The following B3GALT1 variants were observed in gnomAD, a reference collection of about 807,000 sequenced individuals.
B3GALT1 encodes UDP-Gal:betaGlcNAc beta 1,3-galactosyltransferase, polypeptide 1.
In B3GALT1, 10 loss-of-function variants were observed where a neutral mutation model predicts 23.2. The ratio of observed to expected loss-of-function variants is 0.43; its 90% CI spans 0.27 to 0.73. The LOEUF (loss-of-function observed/expected upper bound fraction) is 0.73. Among genes scored for constraint, B3GALT1 ranks in the 30% least tolerant of loss-of-function variants. The pLI is 0.21. For missense variants in B3GALT1, 299 were observed against 405.4 expected, an observed-to-expected ratio of 0.74 and a Z score of 2.25; for synonymous variants, 156 against 141.5, an observed-to-expected ratio of 1.10 and a Z score of -0.73.
intron 3 of B3GALT1, among the ~76,000 whole-genome samples, chr2:167,752,600 C>G (rs868187146): frequency 6.7e-6 from 1 of 148,298 alleles, no homozygotes; most frequent in African/African-American, 2.5e-5. Flanking sequence ...CCCCACACCC[C>G]CCTTCCCCGC....
intron 4 of B3GALT1, among the ~76,000 whole-genome samples, chr2:167,833,297 C>A (rs1183543001): frequency 2.6e-5 from 4 of 152,180 alleles, no homozygotes; most frequent in Admixed American, 2.0e-4. Context: ...TTCTTCCAAG[C>A]CCACAGCTCG....
intron 1 of B3GALT1, among the ~76,000 whole-genome samples, chr2:167,324,970 A>G (rs542874397): frequency 2.0e-5 from 3 of 152,176 alleles, no homozygotes; most frequent in African/African-American, 7.2e-5. Flanking sequence ...ATAACATGTG[A>G]TATTTGCATT....
At chr2:167,315,275 T>A (rs1432058065) in intron 1 of B3GALT1, among the ~76,000 whole-genome samples, 1 of 152,178 alleles carries the variant, frequency 6.6e-6, no homozygotes, top group African/African-American at 2.4e-5. Context: ...CTGGAAGAGT[T>A]GTTAATCTAT....
In B3GALT1 at chr2:167,644,008, C is replaced by A. The variant is rs141264748; in HGVS notation, c.-409-2901C>A. On this transcript the variant is annotated intron_variant, in intron 2 of 4. Coordinates refer to ENST00000392690, the MANE Select transcript of B3GALT1 (RefSeq NM_020981.4). ...AATTGGGTGGGATTAGCAGTGCAGA[C>A]AAGAGAAGAGGAGCAAAATACAACC... Among the ~76,000 whole-genome samples the A allele has an allele frequency of 3.9e-3, 591 of 151,884 alleles. 5 individuals carry two copies. The highest frequency in any genetic ancestry group is 0.014 in the African/African-American group (566 of 41,396).
chr2:167,497,944 A>G (rs77153890), intron 2 of B3GALT1, among the ~76,000 whole-genome samples: 7,124 of 152,058 alleles, frequency 0.047, 551 homozygotes, highest in African/African-American at 0.16. Flanking sequence ...ACTACCTGTT[A>G]AATATTAACA....
chr2:167,604,298 A>C (rs944427576), intron 2 of B3GALT1, among the ~76,000 whole-genome samples: 7 of 152,150 alleles, frequency 4.6e-5, no homozygotes, highest in South Asian at 2.1e-4. Flanking sequence ...TATAAAGCTC[A>C]TCAAAGATGA....
intron 3 of B3GALT1, among the ~76,000 whole-genome samples, chr2:167,691,246 C>A (rs1358659205): frequency 6.6e-6 from 1 of 152,066 alleles, no homozygotes; most frequent in Non-Finnish European, 1.5e-5. Context: ...ATGCATATGA[C>A]CTTTGCTTCA....
intron 2 of B3GALT1, among the ~76,000 whole-genome samples, chr2:167,495,596 G>A (rs1218292061): frequency 6.6e-6 from 1 of 152,114 alleles, no homozygotes; most frequent in Non-Finnish European, 1.5e-5. Flanking sequence ...GCCTTCCAAA[G>A]TGCTGGGATT....
At chr2:167,448,172 A>G (rs539149574) in intron 1 of B3GALT1, among the ~76,000 whole-genome samples, 1 of 152,056 alleles carries the variant, frequency 6.6e-6, no homozygotes, top group South Asian at 2.1e-4. Flanking sequence ...TGGTTGTTCT[A>G]CTTTTAGTTC....
intron 1 of B3GALT1, among the ~76,000 whole-genome samples, chr2:167,306,624 C>T (rs1696556316): frequency 6.6e-6 from 1 of 151,974 alleles, no homozygotes; most frequent in African/African-American, 2.4e-5. Flanking sequence ...GTGAGTTTAT[C>T]ACAGAGTTTG....
At chr2:167,417,992 G>T (rs1432666084) in intron 1 of B3GALT1, among the ~76,000 whole-genome samples, 1 of 152,178 alleles carries the variant, frequency 6.6e-6, no homozygotes, top group African/African-American at 2.4e-5. Flanking sequence ...AAGTTCCGCT[G>T]TGTTCTGCAG....
intron 4 of B3GALT1, among the ~76,000 whole-genome samples, chr2:167,864,551 G>A (rs903346973): frequency 8.5e-5 from 13 of 152,152 alleles, no homozygotes; most frequent in Non-Finnish European, 1.5e-4. Context: ...GTGACAGAGT[G>A]AGACCCTGTA....
chr2:167,696,357 T>C (rs1276431471), intron 3 of B3GALT1, among the ~76,000 whole-genome samples: 2 of 148,388 alleles, frequency 1.3e-5, no homozygotes, highest in East Asian at 4.0e-4. Context: ...ATAAGACATG[T>C]AAAATACCTA....
chr2:167,413,592 T>C (rs191357084), intron 1 of B3GALT1, among the ~76,000 whole-genome samples: 2 of 152,164 alleles, frequency 1.3e-5, no homozygotes, highest in Non-Finnish European at 1.5e-5. Flanking sequence ...TCATCTACTG[T>C]TCATTTTTAA....
At chr2:167,479,997 G>A (rs753933907) in intron 1 of B3GALT1, among the ~76,000 whole-genome samples, 2 of 152,182 alleles carry the variant, frequency 1.3e-5, no homozygotes, top group African/African-American at 2.4e-5. Context: ...GGATGATTGT[G>A]GATTGTGTCT....
At chr2:167,531,271 T>C (rs1558894859) in intron 2 of B3GALT1, among the ~76,000 whole-genome samples, 2 of 152,032 alleles carry the variant, frequency 1.3e-5, no homozygotes, top group Admixed American at 6.6e-5. Flanking sequence ...CATAAATCTG[T>C]GTGAGGGTGG....
chr2:167,418,993 G>C (rs1698509355), intron 1 of B3GALT1, among the ~76,000 whole-genome samples: 1 of 152,156 alleles, frequency 6.6e-6, no homozygotes, highest in African/African-American at 2.4e-5. Context: ...TTCCATTAGA[G>C]TCTCACTGTA....
At chr2:167,415,726 A>G (rs1698458981) in intron 1 of B3GALT1, among the ~76,000 whole-genome samples, 1 of 152,218 alleles carries the variant, frequency 6.6e-6, no homozygotes, top group African/African-American at 2.4e-5. Flanking sequence ...CGTTCTGATG[A>G]GATTTCAGAT....
intron 3 of B3GALT1, among the ~76,000 whole-genome samples, chr2:167,805,946 C>A (rs372988638): frequency 1.3e-5 from 2 of 152,026 alleles, no homozygotes; most frequent in African/African-American, 2.4e-5. Context: ...GATATTGATT[C>A]TTCCTACCCA....
Sources: gnomAD v4.1 joint callset for allele counts (sites outside exome capture counted in the v4.1 genomes callset) on GRCh38, gnomAD v4.1.1 for gene constraint, MANE v1.5 for transcripts, NCBI Gene and HGNC (gene_info 2026-07-23, HGNC 2026-07-21) for gene names.